Variants in TXNL4A observed in about 807,000 individuals in gnomAD.
TXNL4A encodes the protein thioredoxin-like protein 4A.
A neutral mutation model predicts 14.6 loss-of-function variants in TXNL4A; 17 were observed. The observed-to-expected ratio is 1.16, with a 90% confidence interval of 0.80 to 1.74. The LOEUF (loss-of-function observed/expected upper bound fraction) is 1.74, where lower values mean the gene tolerates loss of function less well. Ranked by LOEUF, TXNL4A falls within the 40% of genes most tolerant of loss-of-function variation. The pLI is 0.00. For synonymous variants in TXNL4A, 83 were observed against 70.6 expected (o/e 1.18, Z -0.88); for missense variants, 74 against 195.2 (o/e 0.38, Z 3.70).
upstream of TXNL4A, among the ~76,000 whole-genome samples, chr18:79,990,521 C>T (rs1431949557): frequency 6.6e-6 from 1 of 152,170 alleles, no homozygotes; most frequent in Non-Finnish European, 1.5e-5. Flanking sequence ...GAAATCTGAG[C>T]CCTTACTAAG....
intron 1 of TXNL4A, among the ~76,000 whole-genome samples, chr18:79,984,115 A>T (rs1568366814): frequency 6.6e-6 from 1 of 152,164 alleles, no homozygotes; most frequent in African/African-American, 2.4e-5. Flanking sequence ...ACAAAAATCC[A>T]GAGGAAACAC....
chr18:79,991,985 C>T (rs1208153800), upstream of TXNL4A, among the ~76,000 whole-genome samples: 2 of 152,114 alleles, frequency 1.3e-5, no homozygotes, highest in African/African-American at 2.4e-5. Flanking sequence ...TCTGGAAAGG[C>T]GGGACAACTT....
At chr18:80,017,202 A>G (rs1481841459) in intron 1 of TXNL4A, among the ~76,000 whole-genome samples, 1 of 151,962 alleles carries the variant, frequency 6.6e-6, no homozygotes, top group Non-Finnish European at 1.5e-5. Context: ...TGATTTTTGT[A>G]CATTGATTTT....
At chr18:80,003,151 C>G (rs1471275663) in intron 1 of TXNL4A, among the ~76,000 whole-genome samples, 1 of 152,258 alleles carries the variant, frequency 6.6e-6, no homozygotes, top group Non-Finnish European at 1.5e-5. Flanking sequence ...TGGTCATCAT[C>G]ATATGTCATC....
intron 1 of TXNL4A, among the ~76,000 whole-genome samples, chr18:80,010,741 C>A (rs1474143133): frequency 6.6e-6 from 1 of 152,212 alleles, no homozygotes; most frequent in East Asian, 1.9e-4. Context: ...GGGCATGTCT[C>A]CAGGCACAAC....
At chr18:79,974,063 C>T (rs2051342033) in intron 2 of TXNL4A, among the ~76,000 whole-genome samples, 1 of 152,176 alleles carries the variant, frequency 6.6e-6, no homozygotes, top group Admixed American at 6.5e-5. Context: ...GTCCACCATG[C>T]TCTTTCCTGC....
At chr18:79,986,779 G>C in intron 1 of TXNL4A, 1 of 985,412 alleles carries the variant, frequency 1.0e-6, no homozygotes, top group Non-Finnish European at 1.2e-6. Context: ...AAAGATTCTA[G>C]AATTCATAAC....
intron 2 of TXNL4A, among the ~76,000 whole-genome samples, chr18:79,975,108 G>A (rs2051359318): frequency 1.3e-5 from 2 of 152,158 alleles, no homozygotes; most frequent in Non-Finnish European, 2.9e-5. Flanking sequence ...GCTGCCCGTA[G>A]CACCCTCCCT....
intron 1 of TXNL4A, among the ~76,000 whole-genome samples, chr18:79,983,208 C>T (rs1251732263): frequency 2.0e-5 from 3 of 152,130 alleles, no homozygotes; most frequent in Admixed American, 2.0e-4. Context: ...AACATGTTGG[C>T]CAAGCTGGTC....
intron 2 of TXNL4A, among the ~76,000 whole-genome samples, chr18:79,975,528 C>T (rs181689360): frequency 1.9e-4 from 29 of 152,366 alleles, no homozygotes; most frequent in Admixed American, 1.6e-3. Context: ...CTCCACTGCA[C>T]GCTGTGGGGG....
intron 1 of TXNL4A, among the ~76,000 whole-genome samples, chr18:80,028,912 A>G (rs890085340): frequency 6.6e-6 from 1 of 152,246 alleles, no homozygotes; most frequent in Non-Finnish European, 1.5e-5. Flanking sequence ...TAAAAATCCC[A>G]GTCACTCAAA....
At chr18:79,987,551 G>A (rs545846193) in intron 1 of TXNL4A, among the ~76,000 whole-genome samples, 1 of 152,120 alleles carries the variant, frequency 6.6e-6, no homozygotes, top group African/African-American at 2.4e-5. Flanking sequence ...CTCAATAAAA[G>A]TCATCCTAAA....
intron 1 of TXNL4A, among the ~76,000 whole-genome samples, chr18:79,998,446 C>A (rs896169076): frequency 1.1e-4 from 17 of 152,020 alleles, no homozygotes; most frequent in Non-Finnish European, 1.2e-4. Flanking sequence ...CTAACTAATG[C>A]CCCAGCCTTA....
rs1321741940 is a variant in TXNL4A, at chr18:79,977,802, C to T, written c.154-101G>A. Reference sequence around the variant, plus strand: ...AACAAAACCAAGAATTTGTGTGGATCAGGGCAATTTTTGTTTTGTTTTTTT... The same window carrying T: ...AACAAAACCAAGAATTTGTGTGGATTAGGGCAATTTTTGTTTTGTTTTTTT... On this transcript the variant is annotated intron_variant, in intron 1 of 2. Transcript: ENST00000269601. 2.0e-5 allele frequency: 16 copies of T among 808,310 alleles called. 1 individual carries two copies. The highest frequency in any genetic ancestry group is 3.3e-5 in the South Asian group (2 of 60,866). The allele number at this position is 808,310 out of a possible 1,614,324, so 50.1% of individuals were successfully genotyped here.
chr18:79,978,447 T>C (rs1269426866), intron 1 of TXNL4A, among the ~76,000 whole-genome samples: 1 of 152,098 alleles, frequency 6.6e-6, no homozygotes, highest in Non-Finnish European at 1.5e-5. Context: ...GTCAGAAAAA[T>C]AAAAAGAAAA....
intron 1 of TXNL4A, among the ~76,000 whole-genome samples, chr18:80,032,377 A>T (rs1038741480): frequency 5.9e-5 from 9 of 152,226 alleles, no homozygotes; most frequent in Admixed American, 1.3e-4. Context: ...AAGGAAATTA[A>T]ATTTTGGGAC....
chr18:79,991,872 C>G (rs1362484738), upstream of TXNL4A, among the ~76,000 whole-genome samples: 1 of 152,122 alleles, frequency 6.6e-6, no homozygotes, highest in Non-Finnish European at 1.5e-5. Context: ...CTCAGGAGGT[C>G]CTGATGATAT....
At chr18:80,007,840 G>C (rs1182204587) in intron 1 of TXNL4A, among the ~76,000 whole-genome samples, 2 of 152,152 alleles carry the variant, frequency 1.3e-5, no homozygotes, top group Non-Finnish European at 2.9e-5. Flanking sequence ...TTTGCCTCCA[G>C]ATGGCCTGTT....
intron 1 of TXNL4A, among the ~76,000 whole-genome samples, chr18:79,978,572 C>T (rs2051414937): frequency 6.6e-6 from 1 of 152,146 alleles, no homozygotes; most frequent in Non-Finnish European, 1.5e-5. Context: ...TGGCTCACTG[C>T]AACCTCTGCC....
Sources: gnomAD v4.1 joint callset for allele counts (sites outside exome capture counted in the v4.1 genomes callset) on GRCh38, gnomAD v4.1.1 for gene constraint, MANE v1.5 for transcripts, NCBI Gene and HGNC (gene_info 2026-07-23, HGNC 2026-07-21) for gene names.